Variants in ZFAT observed in about 807,000 individuals in gnomAD.
ZFAT encodes the protein zinc finger protein ZFAT.
A neutral mutation model predicts 117.7 loss-of-function variants in ZFAT; 64 were observed. That is an observed-to-expected ratio of 0.54 (90% CI 0.44 to 0.67). ZFAT has a LOEUF of 0.67. ZFAT is among the 30% of genes least tolerant of loss of function. The pLI, the probability that ZFAT is intolerant of heterozygous loss-of-function variation, is 0.00. For synonymous variants in ZFAT, 679 were observed against 615.0 expected (o/e 1.10, Z -1.54); for missense variants, 1,433 against 1,584.5 (o/e 0.90, Z 1.62).
the ZFAT span, among the ~76,000 whole-genome samples, chr8:134,817,771 C>G: frequency 6.6e-6 from 1 of 152,100 alleles, no homozygotes; most frequent in East Asian, 1.9e-4. Context: ...AATTGGAAGA[C>G]TACATGATTT....
At chr8:134,778,189 T>C in the ZFAT span, among the ~76,000 whole-genome samples, 41 of 152,324 alleles carry the variant, frequency 2.7e-4, no homozygotes, top group African/African-American at 9.4e-4. Flanking sequence ...TAGTCTTTTG[T>C]TTGGCCTTCA....
the ZFAT span, among the ~76,000 whole-genome samples, chr8:134,755,833 A>G: frequency 2.0e-5 from 3 of 150,630 alleles, no homozygotes; most frequent in South Asian, 4.2e-4. Flanking sequence ...AAAAAAAAAA[A>G]AAAGAAAAAG....
chr8:134,724,149 G>A, the ZFAT span, among the ~76,000 whole-genome samples: 5 of 152,134 alleles, frequency 3.3e-5, no homozygotes, highest in African/African-American at 1.2e-4. Flanking sequence ...ATCTGCATAG[G>A]AACTCCAGAG....
At chr8:134,699,450 T>TG (rs1833954673) in intron 1 of ZFAT, among the ~76,000 whole-genome samples, 1 of 152,210 alleles carries the variant, frequency 6.6e-6, no homozygotes, top group South Asian at 2.1e-4. Context: ...GCCATGACTC[T>TG]GCCCTGCTGA....
intron 1 of ZFAT, among the ~76,000 whole-genome samples, chr8:134,701,106 C>T (rs902625948): frequency 2.6e-5 from 4 of 152,158 alleles, no homozygotes; most frequent in Non-Finnish European, 5.9e-5. Context: ...GCAACCATCT[C>T]GACCATCCAT....
intron 15 of ZFAT, among the ~76,000 whole-genome samples, chr8:134,503,638 C>T (rs980522682): frequency 6.6e-6 from 1 of 152,130 alleles, no homozygotes; most frequent in African/African-American, 2.4e-5. Context: ...GGGTGGGGCC[C>T]ATCCAATCAG....
chr8:134,653,286 AAAAAAC>A (rs1354127212), intron 2 of ZFAT, among the ~76,000 whole-genome samples: 4 of 116,068 alleles, frequency 3.4e-5, no homozygotes, highest in East Asian at 2.0e-4. Flanking sequence ...AAAAAAAAAA[AAAAAAC>A]AAAAAACAGG....
chr8:134,673,986 C>A (rs775783679), intron 1 of ZFAT, among the ~76,000 whole-genome samples: 3 of 152,096 alleles, frequency 2.0e-5, no homozygotes, highest in African/African-American at 7.2e-5. Flanking sequence ...GCAAGATGGC[C>A]GAATAGGAAC....
intron 3 of ZFAT, among the ~76,000 whole-genome samples, chr8:134,624,216 A>C (rs1000332173): frequency 4.2e-4 from 62 of 146,298 alleles, no homozygotes; most frequent in African/African-American, 1.5e-3. Context: ...ACACACACAC[A>C]CACCCTTAAC....
At chr8:134,578,471 G>A (rs1470979541) in intron 10 of ZFAT, among the ~76,000 whole-genome samples, 2 of 151,902 alleles carry the variant, frequency 1.3e-5, no homozygotes, top group Non-Finnish European at 2.9e-5. Flanking sequence ...CTAGCTGGGG[G>A]AGAGTAGGAG....
intron 4 of ZFAT, 120 bp from the exon 5 acceptor site, chr8:134,608,999 G>A: frequency 1.6e-6 from 2 of 1,224,540 alleles, no homozygotes; most frequent in Non-Finnish European, 2.2e-6. Context: ...ACCCACGCAA[G>A]ATAGTTTTCA....
At chr8:134,540,739 T>G (rs992449468) in intron 11 of ZFAT, among the ~76,000 whole-genome samples, 2 of 152,258 alleles carry the variant, frequency 1.3e-5, no homozygotes, top group Non-Finnish European at 2.9e-5. Context: ...TCATATGCCT[T>G]TATTCCTCAA....
At chr8:134,571,169 G>GC (rs1824867709) in intron 10 of ZFAT, among the ~76,000 whole-genome samples, 1 of 152,228 alleles carries the variant, frequency 6.6e-6, no homozygotes, top group Non-Finnish European at 1.5e-5. Flanking sequence ...CCAGCAAGTA[G>GC]TCCAACAAAT....
At chr8:134,691,535 G>A (rs1471471692) in intron 1 of ZFAT, among the ~76,000 whole-genome samples, 1 of 152,144 alleles carries the variant, frequency 6.6e-6, no homozygotes, top group Non-Finnish European at 1.5e-5. Context: ...TGCAAGGTGA[G>A]GAGGACGGGT....
chr8:134,772,739 A>C, the ZFAT span, among the ~76,000 whole-genome samples: 14 of 152,204 alleles, frequency 9.2e-5, no homozygotes, highest in Non-Finnish European at 2.1e-4. Flanking sequence ...GAACTTTAAT[A>C]ATGAGAGAGA....
intron 11 of ZFAT, among the ~76,000 whole-genome samples, chr8:134,543,887 C>A (rs182358763): frequency 6.6e-6 from 1 of 152,126 alleles, no homozygotes; most frequent in Non-Finnish European, 1.5e-5. Flanking sequence ...TAAAACAATG[C>A]CCCCTCTTAT....
the ZFAT span, among the ~76,000 whole-genome samples, chr8:134,761,492 G>A: frequency 6.6e-6 from 1 of 151,432 alleles, no homozygotes; most frequent in Non-Finnish European, 1.5e-5. Flanking sequence ...ACGAGATCAA[G>A]AGATCGAGAT....
At chr8:134,800,977 C>T in the ZFAT span, among the ~76,000 whole-genome samples, 1 of 152,144 alleles carries the variant, frequency 6.6e-6, no homozygotes, top group Non-Finnish European at 1.5e-5. Flanking sequence ...TGTAGTGTTC[C>T]ATATCTAAAT....
At chr8:134,649,189 A>T (rs1831081658) in intron 2 of ZFAT, among the ~76,000 whole-genome samples, 1 of 151,280 alleles carries the variant, frequency 6.6e-6, no homozygotes, top group Non-Finnish European at 1.5e-5. Flanking sequence ...ACACACACAC[A>T]CACACACACA....
Sources: allele counts gnomAD v4.1 joint callset (sites outside exome capture counted in the v4.1 genomes callset), GRCh38; gene constraint gnomAD v4.1.1; transcripts MANE v1.5; gene names NCBI Gene and HGNC (gene_info 2026-07-23, HGNC 2026-07-21).